The following KYNU variants were observed in gnomAD, a reference collection of about 807,000 sequenced individuals.
The protein encoded by KYNU is kynureninase.
KYNU carries 54 observed loss-of-function variants against 59.2 expected under a neutral mutation model. That is an observed-to-expected ratio of 0.91 (90% confidence interval 0.73 to 1.14). KYNU has a LOEUF of 1.14. Among genes scored for constraint, KYNU ranks in the 50% most tolerant of loss-of-function variants. The probability of loss-of-function intolerance (pLI) is 0.00; values close to 1 mark genes in which losing one functional copy is unlikely to be tolerated. For missense variants in KYNU, 567 were observed against 554.4 expected (o/e 1.02, Z -0.23); for synonymous variants, 177 against 192.0 (o/e 0.92, Z 0.65).
At chr2:142,960,365 A>C (rs1256254806) in intron 7 of KYNU, among the ~76,000 whole-genome samples, 1 of 152,210 alleles carries the variant, frequency 6.6e-6, no homozygotes, top group East Asian at 1.9e-4. Flanking sequence ...TAATTTTTAA[A>C]AACTGGAGAA....
At chr2:143,025,761 G>C (rs1237421352) in intron 10 of KYNU, among the ~76,000 whole-genome samples, 2 of 151,910 alleles carry the variant, frequency 1.3e-5, no homozygotes, top group Admixed American at 1.3e-4. Context: ...AACCATTGGG[G>C]ACAAAAAGAG....
chr2:143,041,513 T>C (rs1382818915), intron 13 of KYNU, among the ~76,000 whole-genome samples: 2 of 152,048 alleles, frequency 1.3e-5, no homozygotes, highest in East Asian at 1.9e-4. Context: ...CTATATACTA[T>C]ATTGTCTAGC....
rs201899367 is a variant in KYNU at position 142,885,529 on chromosome 2, G to C, written c.162G>C (p.Leu54=). 28 of 1,613,032 alleles carry C rather than the reference G, an allele frequency of 1.7e-5. No individual in the cohort carries two copies. Among genetic ancestry groups the C allele is most frequent in the Non-Finnish European group, 2.4e-5 (28 of 1,179,678 alleles). ...ECFYIPKIQD[L]PPVDLSLVNK... is the part of the protein sequence containing the mutation. ...TTTATATTCCCAAAATACAGGATCTGCCTCCAGGTAAGAATGCTGGGAAGG... is the reference window on the plus strand; with the variant it reads ...TTTATATTCCCAAAATACAGGATCTCCCTCCAGGTAAGAATGCTGGGAAGG... The change falls in exon 2 of 14, where the codon CTG becomes CTC. Residue 54 remains leucine, a synonymous_variant. Transcript: ENST00000264170.
At chr2:142,991,698 CT>C (rs1273708352) in intron 10 of KYNU, among the ~76,000 whole-genome samples, 5 of 151,856 alleles carry the variant, frequency 3.3e-5, no homozygotes, top group African/African-American at 1.2e-4. Context: ...AAAATGTTTA[CT>C]TTTTCACCTT....
intron 4 of KYNU, among the ~76,000 whole-genome samples, chr2:142,938,703 A>C (rs1445743367): frequency 6.6e-6 from 1 of 152,184 alleles, no homozygotes; most frequent in Non-Finnish European, 1.5e-5. Flanking sequence ...CAAATTACAA[A>C]ACTTTTCATG....
chr2:143,007,778 C>A (rs1685961346), intron 10 of KYNU, among the ~76,000 whole-genome samples: 1 of 125,302 alleles, frequency 8.0e-6, no homozygotes, highest in Non-Finnish European at 1.6e-5. Context: ...AAACAATTTT[C>A]AACCCAGAAT....
chr2:143,004,367 A>G (rs559828116), intron 10 of KYNU, among the ~76,000 whole-genome samples: 45 of 152,302 alleles, frequency 3.0e-4, no homozygotes, highest in African/African-American at 9.6e-4. Context: ...CTTCCTTGTC[A>G]GCTCTCAACA....
intron 4 of KYNU, among the ~76,000 whole-genome samples, chr2:142,937,168 C>T (rs1683419019): frequency 6.6e-6 from 1 of 152,182 alleles, no homozygotes; most frequent in Non-Finnish European, 1.5e-5. Context: ...GGCCAGCTCT[C>T]TTCCTGCTTC....
chr2:143,027,431 G>A (rs1686607346), intron 10 of KYNU, among the ~76,000 whole-genome samples: 1 of 152,108 alleles, frequency 6.6e-6, no homozygotes, highest in African/African-American at 2.4e-5. Flanking sequence ...ATTATAGTGT[G>A]AAACATTAGT....
intron 4 of KYNU, among the ~76,000 whole-genome samples, chr2:142,953,651 C>T (rs1684068528): frequency 6.6e-6 from 1 of 152,036 alleles, no homozygotes; most frequent in Non-Finnish European, 1.5e-5. Flanking sequence ...TTTCTTACTG[C>T]CCCTTGACGT....
At chr2:143,036,631 G>T (rs1210052301) in intron 12 of KYNU, among the ~76,000 whole-genome samples, 1 of 152,184 alleles carries the variant, frequency 6.6e-6, no homozygotes, top group Non-Finnish European at 1.5e-5. Context: ...ATTTAAGAAT[G>T]TTAGCACAGG....
intron 4 of KYNU, among the ~76,000 whole-genome samples, chr2:142,934,829 G>A (rs145165536): frequency 2.7e-3 from 406 of 152,242 alleles, no homozygotes; most frequent in African/African-American, 8.5e-3. Context: ...TGTGGGGTCC[G>A]CTGACAGTCC....
chr2:142,954,684 G>T, intron 4 of KYNU, 126 bp from the exon 5 acceptor site: 1 of 641,762 alleles, frequency 1.6e-6, no homozygotes, highest in South Asian at 2.0e-5. Context: ...TCTTTGTGAT[G>T]ACACATCAAA....
intron 10 of KYNU, among the ~76,000 whole-genome samples, chr2:143,026,485 G>T (rs929038321): frequency 6.6e-6 from 1 of 152,204 alleles, no homozygotes; most frequent in Non-Finnish European, 1.5e-5. Context: ...GAACGAGTAC[G>T]GGAGCTGGAA....
chr2:143,040,495 A>G lies in KYNU; in HGVS notation c.1109A>G (p.Tyr370Cys). Residue 370 changes from tyrosine to cysteine, a missense_variant, in exon 13 of 14, where the codon TAC becomes TGC. Tyr to Cys is a radical substitution (Grantham distance 194, BLOSUM62 -2). Coordinates refer to ENST00000264170, the MANE Select transcript of KYNU (RefSeq NM_003937.3). ...KSVLLTGYLEYLIKHNYGKDK... is the reference protein window; with the variant it reads ...KSVLLTGYLECLIKHNYGKDK... ...GTTTTGCTAACTGGCTATCTGGAAT[A>G]CCTGATCAAGCATAACTATGGCAAA... 1 of 1,613,350 alleles carries G rather than the reference A, an allele frequency of 6.2e-7. No homozygotes were observed. The highest frequency in any genetic ancestry group is 8.5e-7 in the Non-Finnish European group (1 of 1,179,536).
chr2:142,904,831 C>T lies in KYNU; in HGVS notation c.170-13778C>T, dbSNP rs369063666. 2.8e-4 allele frequency among the ~76,000 whole-genome samples: 43 copies of T among 152,246 alleles called. No individual in the cohort carries two copies. In the South Asian group the frequency reaches 8.9e-3, roughly 32 times the overall value. ...CTCTGCTTATCGGATTAGTTGTGCT[C>T]ACCAATGTAGCAGTCCTGCACCCCT... is the stretch of plus-strand genomic sequence containing the variant. On this transcript the variant is annotated intron_variant, in intron 2 of 13. Transcript: ENST00000264170.
intron 8 of KYNU, among the ~76,000 whole-genome samples, chr2:142,966,651 T>A (rs774292496): frequency 6.6e-5 from 10 of 152,118 alleles, no homozygotes; most frequent in Non-Finnish European, 1.0e-4. Context: ...TGACTCTAGG[T>A]CTCTACATTA....
At chr2:142,910,131 C>CTTTTTTTTT (rs368644903) in intron 2 of KYNU, among the ~76,000 whole-genome samples, 40 of 105,474 alleles carry the variant, frequency 3.8e-4, no homozygotes, top group African/African-American at 6.0e-4. Context: ...TGTTCTTTGC[C>CTTTTTTTTT]TTTTTTTTTT....
Position 142,927,704 on chromosome 2 carries a change from A to C in KYNU, c.336A>C (p.Gly112=). The C allele has an allele frequency of 6.2e-7, 1 of 1,613,326 alleles. No individual in the cohort carries two copies. Among genetic ancestry groups the C allele is most frequent in the East Asian group, 2.2e-5 (1 of 44,790 alleles). ...HEVGKRPWIT[G]DESIVGLMKD... ...TGGGGAAGCGTCCTTGGATTACAGG[A>C]GATGAGAGTATTGTAGGCCTTATGA... Residue 112 remains glycine, a synonymous_variant, in exon 4 of 14, where the codon GGA becomes GGC. Coordinates refer to ENST00000264170, the MANE Select transcript of KYNU (RefSeq NM_003937.3).
Sources: gnomAD v4.1 joint callset for allele counts (sites outside exome capture counted in the v4.1 genomes callset) on GRCh38, gnomAD v4.1.1 for gene constraint, MANE v1.5 for transcripts, NCBI Gene and HGNC (gene_info 2026-07-23, HGNC 2026-07-21) for gene names.